Variants in HNRNPK observed in about 807,000 individuals in gnomAD.
HNRNPK encodes the protein heterogeneous nuclear ribonucleoprotein K, also known as dC-stretch binding protein.
In HNRNPK, 7 loss-of-function variants were observed where a neutral mutation model predicts 67.0. The observed-to-expected ratio is 0.10, with a 90% CI of 0.06 to 0.20. The LOEUF is 0.20. Ranked by LOEUF, HNRNPK falls within the 10% of genes least tolerant of loss-of-function variation. The pLI, the probability that HNRNPK is intolerant of heterozygous loss-of-function variation, is 1.00. For synonymous variants in HNRNPK, 213 were observed against 193.7 expected (o/e 1.10, Z -0.83); for missense variants, 264 against 606.5 (o/e 0.44, Z 5.93).
Position 83,973,142 on chromosome 9 carries a change from T to C in HNRNPK, c.516+144A>G, listed in dbSNP as rs1588421302. ...AAAAATTTTGACAAAATAACATGTC[T>C]AGCAGTGCCAGACATTTTTTGTCAT... On this transcript the variant is annotated intron_variant, in intron 9 of 16. Transcript: ENST00000376263. The C allele has an allele frequency of 1.2e-5, 9 of 735,598 alleles. No homozygotes were observed. The East Asian group carries it at 1.8e-4, about 15-fold the overall frequency. 45.6% of individuals were successfully genotyped at this position (735,598 alleles called of 1,614,324 possible). A position where few individuals can be genotyped will look rare whatever the true frequency, so the allele number is the denominator to read the frequency against.
intron 16 of HNRNPK, 43 bp from the exon 17 acceptor site, chr9:83,969,483 T>C (rs1374075546): frequency 8.1e-7 from 1 of 1,239,700 alleles, no homozygotes; most frequent in Admixed American, 1.9e-5. Context: ...GAATTTTTGC[T>C]CGTAACATCT....
chr9:83,972,154 G>T lies in HNRNPK; in HGVS notation c.681C>A (p.Pro227=). Residue 227 remains proline (P), a synonymous_variant, in exon 11 of 17, where the codon CCC becomes CCA. Coordinates refer to ENST00000376263, the MANE Select transcript of HNRNPK (RefSeq NM_031263.4). Reference sequence around the variant, plus strand: ...AATCATAGGTTTCATCGTAAAAATTGGGATCATAAGGCTGTGCACGTCCTT... The same window carrying T: ...AATCATAGGTTTCATCGTAAAAATTTGGATCATAAGGCTGTGCACGTCCTT... ...PIKGRAQPYD[P]NFYDETYDYG... 1 of 1,612,474 alleles carries T rather than the reference G, an allele frequency of 6.2e-7. No homozygotes were observed. The highest frequency in any genetic ancestry group is 8.5e-7 in the Non-Finnish European group (1 of 1,179,136).
intron 5 of HNRNPK, among the ~76,000 whole-genome samples, chr9:83,975,972 T>C (rs1047754278): frequency 6.6e-6 from 1 of 152,116 alleles, no homozygotes; most frequent in African/African-American, 2.4e-5. Flanking sequence ...TGACTCAAAG[T>C]TTACTGAAAT....
chr9:83,970,037 T>C, intron 16 of HNRNPK, 125 bp downstream of exon 16: 1 of 736,728 alleles, frequency 1.4e-6, no homozygotes, highest in Non-Finnish European at 2.3e-6. Context: ...ATTAGAATGT[T>C]TAGAAGTTAG....
chr9:83,971,906 G>A lies in HNRNPK; in HGVS notation c.929C>T (p.Pro310Leu). ...GGSRARNLPL[P>L]PPPPPRGGDL... ...CCCCCCTCTAGGTGGTGGTGGTGGA[G>A]GAAGAGGAAGATTCCGAGCTCTGCT... is the stretch of plus-strand genomic sequence containing the variant. Residue 310 changes from proline (P) to leucine (L), a missense_variant, in exon 11 of 17, where the codon CCT becomes CTT. Physicochemically the swap from Pro to Leu is moderately conservative, Grantham distance 98 (BLOSUM62 -3). This residue lies in a region of HNRNPK where 142 missense variants were observed against 256.5 expected (regional missense o/e 0.55). Transcript: ENST00000376263. The A allele has an allele frequency of 6.4e-7, 1 of 1,560,948 alleles. No homozygotes were observed. The highest frequency in any genetic ancestry group is 8.7e-7 in the Non-Finnish European group (1 of 1,154,644).
chr9:83,974,357 A>C (rs1045376148), intron 7 of HNRNPK, among the ~76,000 whole-genome samples, 160 bp downstream of exon 7: 81 of 151,928 alleles, frequency 5.3e-4, no homozygotes, highest in African/African-American at 1.4e-3. Context: ...AAAAAAAAAA[A>C]AACAAATTAC....
intron 8 of HNRNPK, 80 bp downstream of exon 8, chr9:83,973,822 A>G: frequency 9.4e-7 from 1 of 1,064,538 alleles, no homozygotes; most frequent in Non-Finnish European, 1.4e-6. Context: ...AGATGGGAAA[A>G]GCACACTATG....
In HNRNPK at chr9:83,979,559, C is replaced by G. The variant is rs187654452; in HGVS notation, c.-108+594G>C. The stretch of plus-strand genomic sequence containing the variant: ...ACCGAGATCAAAAACAGCCGGGTAA[C>G]AGGACGGGAAAAAGCGAAAGTCGAC... On this transcript the variant is annotated intron_variant, in intron 1 of 16. Transcript: ENST00000376263. 2.6e-5 allele frequency among the ~76,000 whole-genome samples: 4 copies of G among 152,262 alleles called. No individual in the cohort carries two copies. In the East Asian group the frequency reaches 7.7e-4, roughly 29 times the overall value.
At chr9:83,972,761 C>A in intron 10 of HNRNPK, 83 bp downstream of exon 10, 1 of 1,035,918 alleles carries the variant, frequency 9.7e-7, no homozygotes, top group Non-Finnish European at 1.4e-6. Context: ...GACTATTAGA[C>A]TAAATGCTCT....
Position 83,969,231 on chromosome 9 carries a change from A to C in HNRNPK, c.*176T>G, listed in dbSNP as rs1956712830. ...AACTAAAACATTACATCTGGTGAAC[A>C]GCAAAGATTTCACTACACCTCAAAT... On this transcript the variant is annotated 3_prime_UTR_variant, in exon 17 of 17. Transcript: ENST00000376263. 1 of 684,886 alleles carries C rather than the reference A, an allele frequency of 1.5e-6. No individual in the cohort carries two copies. The highest frequency in any genetic ancestry group is 2.6e-6 in the Non-Finnish European group (1 of 380,734). 42.4% of individuals were successfully genotyped at this position (684,886 alleles called of 1,614,324 possible). A position where few individuals can be genotyped will look rare whatever the true frequency, so the allele number is the denominator to read the frequency against.
Position 83,977,712 on chromosome 9 carries a change from A to G in HNRNPK, c.133T>C (p.Leu45=), listed in dbSNP as rs1209471997. The G allele has an allele frequency of 1.9e-6, 3 of 1,604,952 alleles. No individual in the cohort carries two copies. The African/African-American group carries it at 4.0e-5, about 21-fold the overall frequency. The part of the protein sequence containing the change: ...RSRNTDEMVE[L]RILLQSKNAG... Reference sequence around the variant, plus strand: ...ACCTTGCTCTGAAGCAGAATGCGTAATTCAACCATCTCATCAGTGTTTCTA... The same window carrying G: ...ACCTTGCTCTGAAGCAGAATGCGTAGTTCAACCATCTCATCAGTGTTTCTA... The change falls in exon 4 of 17, where the codon TTA becomes CTA. Residue 45 remains leucine (L), a synonymous_variant. Coordinates refer to ENST00000376263, the MANE Select transcript of HNRNPK (RefSeq NM_031263.4).
At chr9:83,971,459 C>T in intron 12 of HNRNPK, 103 bp from the exon 13 acceptor site, 1 of 855,844 alleles carries the variant, frequency 1.2e-6, no homozygotes, top group Non-Finnish European at 1.9e-6. Flanking sequence ...AAAGAGGGTA[C>T]ATATATAGGC....
chr9:83,972,716 G>A, intron 10 of HNRNPK, 128 bp downstream of exon 10: 1 of 622,324 alleles, frequency 1.6e-6, no homozygotes, highest in Non-Finnish European at 2.7e-6. Flanking sequence ...GCTGAAGCCA[G>A]GTGATAGAAA....
chr9:83,969,167 T>C lies in HNRNPK; in HGVS notation c.*240A>G, dbSNP rs1257206977. 1.9e-6 allele frequency: 1 copy of C among 525,136 alleles called. No individual in the cohort carries two copies. The highest frequency in any genetic ancestry group is 3.1e-5 in the South Asian group (1 of 32,362). 32.5% of individuals were successfully genotyped at this position (525,136 alleles called of 1,614,324 possible). On this transcript the variant is annotated 3_prime_UTR_variant, in exon 17 of 17. Transcript: ENST00000376263. ...GCTGTTTCAAAATTTCAATGTTAGT[T>C]TTTGCACGCCCTTCCCCCCCCCAAC... is the stretch of plus-strand genomic sequence containing the variant.
intron 5 of HNRNPK, 72 bp from the exon 6 acceptor site, chr9:83,975,577 G>T: frequency 7.7e-7 from 1 of 1,301,816 alleles, no homozygotes; most frequent in Non-Finnish European, 1.1e-6. Flanking sequence ...GTCAAGTATG[G>T]TACCCGTTTG....
chr9:83,969,937 A>G, intron 16 of HNRNPK: 1 of 650,306 alleles, frequency 1.5e-6, no homozygotes. Context: ...GAGAAATGAG[A>G]AGTTTGCTTG....
In HNRNPK at chr9:83,969,038, C is replaced by G. The variant is rs1158739275; in HGVS notation, c.*369G>C. The G allele has an allele frequency of 5.1e-6, 2 of 392,034 alleles. No individual in the cohort carries two copies. The highest frequency in any genetic ancestry group is 9.2e-6 in the Non-Finnish European group (2 of 218,052). 24.3% of individuals were successfully genotyped at this position (392,034 alleles called of 1,614,324 possible). A position where few individuals can be genotyped will look rare whatever the true frequency, so the allele number is the denominator to read the frequency against. The stretch of plus-strand genomic sequence containing the variant: ...TTACTTTTCCTCCCTGTCCCACCCC[C>G]CAAATGTTACAGTGACCACAAAGCA... On this transcript the variant is annotated 3_prime_UTR_variant, in exon 17 of 17. Coordinates refer to ENST00000376263, the MANE Select transcript of HNRNPK (RefSeq NM_031263.4).
chr9:83,974,054 C>T (rs1956965001), intron 7 of HNRNPK, 81 bp from the exon 8 acceptor site: 1 of 815,348 alleles, frequency 1.2e-6, no homozygotes, highest in African/African-American at 1.7e-5. Context: ...AAAGCTACTA[C>T]AACATATTTT....
chr9:83,974,512 C>T lies in HNRNPK; in HGVS notation c.330+5G>A. The T allele has an allele frequency of 1.4e-6, 2 of 1,480,506 alleles. No individual in the cohort carries two copies. The highest frequency in any genetic ancestry group is 1.1e-5 in the South Asian group (1 of 87,296). 91.7% of individuals were successfully genotyped at this position (1,480,506 alleles called of 1,614,324 possible). A position where few individuals can be genotyped will look rare whatever the true frequency, so the allele number is the denominator to read the frequency against. On this transcript the variant is annotated splice_donor_5th_base_variant and intron_variant, in intron 7 of 16. Coordinates refer to ENST00000376263, the MANE Select transcript of HNRNPK (RefSeq NM_031263.4). ...TCAAATACATTTAAAAAAAAATGAG[C>T]CTACCTCTTCCAAGGTAGGGATGAT...
Sources: gnomAD v4.1 joint callset for allele counts (sites outside exome capture counted in the v4.1 genomes callset) on GRCh38, gnomAD v4.1.1 for gene constraint, gnomAD v4.1.1 regional missense constraint, MANE v1.5 for transcripts, NCBI Gene and HGNC (gene_info 2026-07-23, HGNC 2026-07-21) for gene names.